RMND1: variants seen among roughly 807,000 people sequenced by gnomAD.
The protein encoded by RMND1 is required for meiotic nuclear division protein 1 homolog.
RMND1 carries 41 observed loss-of-function variants against 54.0 expected under a neutral mutation model. The observed-to-expected ratio is 0.76, with a 90% confidence interval of 0.59 to 0.98. The LOEUF is 0.98. RMND1 is among the 50% of genes least tolerant of loss of function. The pLI is 0.00. For missense variants in RMND1, 457 were observed against 532.0 expected, an observed-to-expected ratio of 0.86 and a Z score of 1.39; for synonymous variants, 183 against 181.7, an observed-to-expected ratio of 1.01 and a Z score of -0.06.
intron 10 of RMND1, chr6:151,411,727 C>A (rs1050603160): frequency 7.9e-5 from 12 of 152,298 alleles, no homozygotes; most frequent in Admixed American, 5.9e-4. Context: ...TTAACGTTCT[C>A]GTCTAAGCTG....
At chr6:151,415,210 A>G (rs1779966361) in intron 10 of RMND1, among the ~76,000 whole-genome samples, 1 of 152,112 alleles carries the variant, frequency 6.6e-6, no homozygotes, top group African/African-American at 2.4e-5. Flanking sequence ...GAAGTTTTCT[A>G]TGTCTGCAGA....
At chr6:151,450,481 T>G (rs1360664077) in intron 1 of RMND1, among the ~76,000 whole-genome samples, 3 of 63,536 alleles carry the variant, frequency 4.7e-5, no homozygotes, top group African/African-American at 9.4e-5. Flanking sequence ...GGGAGGAAGG[T>G]GGGGTGTCAG....
chr6:151,446,318 C>CA (rs1304761007), intron 1 of RMND1, among the ~76,000 whole-genome samples: 1 of 151,830 alleles, frequency 6.6e-6, no homozygotes. Context: ...CCTGTAGTCC[C>CA]AGCTACTCAC....
intron 9 of RMND1, chr6:151,420,794 C>G (rs1046108217): frequency 6.6e-6 from 1 of 152,342 alleles, no homozygotes; most frequent in African/African-American, 2.4e-5. Context: ...TTTTAATCCT[C>G]TGATAAAAAA....
intron 10 of RMND1, 131 bp downstream of exon 10, chr6:151,417,148 G>A: frequency 9.9e-7 from 1 of 1,006,750 alleles, no homozygotes; most frequent in Middle Eastern, 2.3e-4. Context: ...ACTGTACAGA[G>A]GACAAGAAGG....
intron 1 of RMND1, among the ~76,000 whole-genome samples, chr6:151,451,198 TAAAAA>T (rs58457871): frequency 3.0e-4 from 34 of 113,364 alleles, no homozygotes; most frequent in African/African-American, 8.8e-4. Context: ...GAATGATCAA[TAAAAA>T]AAAAAAAAAA....
chr6:151,451,707 G>A (rs972128202), intron 1 of RMND1, among the ~76,000 whole-genome samples: 56 of 152,142 alleles, frequency 3.7e-4, no homozygotes, highest in African/African-American at 1.3e-3. Context: ...TAAGAAAATC[G>A]ATTACAGCTA....
At chr6:151,407,096 A>G (rs1202733839) in intron 10 of RMND1, among the ~76,000 whole-genome samples, 7 of 151,936 alleles carry the variant, frequency 4.6e-5, no homozygotes, top group South Asian at 4.2e-4. Flanking sequence ...CAAGGCTGCA[A>G]TGAGCCAAGA....
intron 9 of RMND1, among the ~76,000 whole-genome samples, chr6:151,419,664 C>A (rs1386006005): frequency 1.7e-5 from 2 of 118,068 alleles, no homozygotes; most frequent in Non-Finnish European, 3.4e-5. Context: ...ACAAGCAAGA[C>A]CCTGTTTAAA....
At chr6:151,431,180 G>A (rs1397430973) in intron 4 of RMND1, among the ~76,000 whole-genome samples, 2 of 152,094 alleles carry the variant, frequency 1.3e-5, no homozygotes, top group Non-Finnish European at 2.9e-5. Context: ...CAGGCTCAGA[G>A]AGGAGGTGGG....
rs1037315487 is a variant in RMND1, at chr6:151,452,109, G to A, written c.-108C>T. 3.1e-5 allele frequency: 6 copies of A among 193,296 alleles called. No individual in the cohort carries two copies. The highest frequency in any genetic ancestry group is 1.2e-4 in the African/African-American group (5 of 41,948). The allele number at this position is 193,296 out of a possible 1,614,324, so 12.0% of individuals were successfully genotyped here. A position where few individuals can be genotyped will look rare whatever the true frequency, so the allele number is the denominator to read the frequency against. ...GCCGCACCCCCAGCCTCTCACTACT[G>A]CAGCCAACCCATCTCCTGGAAGGGC... is the stretch of plus-strand genomic sequence containing the variant. On this transcript the variant is annotated 5_prime_UTR_variant, in exon 1 of 12. It introduces an in-frame stop codon into an upstream open reading frame of the 5' UTR. Transcript: ENST00000444024.
chr6:151,426,531 C>G (rs1215414331), intron 6 of RMND1, among the ~76,000 whole-genome samples: 2 of 151,984 alleles, frequency 1.3e-5, no homozygotes, highest in Non-Finnish European at 2.9e-5. Context: ...CCCCCACCCC[C>G]CAAAATCAAT....
intron 10 of RMND1, among the ~76,000 whole-genome samples, chr6:151,416,252 T>A (rs1178745997): frequency 6.6e-6 from 1 of 152,038 alleles, no homozygotes; most frequent in African/African-American, 2.4e-5. Context: ...AGTGCTGGGG[T>A]TACAGGCATG....
chr6:151,408,263 G>A (rs1779696564), intron 10 of RMND1, among the ~76,000 whole-genome samples: 1 of 152,116 alleles, frequency 6.6e-6, no homozygotes, highest in African/African-American at 2.4e-5. Flanking sequence ...GGGAGGCCAA[G>A]GCAGGCGGAT....
intron 1 of RMND1, chr6:151,446,094 CACTTCATTT>C (rs983392846): frequency 1.4e-4 from 48 of 337,224 alleles, no homozygotes; most frequent in African/African-American, 9.9e-4. Context: ...GTGATGGGAC[CACTTCATTT>C]ACTTCATTAG....
intron 6 of RMND1, among the ~76,000 whole-genome samples, chr6:151,424,727 G>C (rs960232589): frequency 6.6e-6 from 1 of 151,976 alleles, no homozygotes; most frequent in Non-Finnish European, 1.5e-5. Context: ...TGAAAAATGA[G>C]TATGTGACTG....
chr6:151,409,939 C>T (rs754211243), intron 10 of RMND1, among the ~76,000 whole-genome samples: 17 of 152,188 alleles, frequency 1.1e-4, no homozygotes, highest in Non-Finnish European at 2.5e-4. Context: ...CTGCTCTCTG[C>T]ATCTGGACCT....
At chr6:151,433,835 T>TG (rs1026472027) in intron 3 of RMND1, among the ~76,000 whole-genome samples, 1 of 149,432 alleles carries the variant, frequency 6.7e-6, no homozygotes, top group Non-Finnish European at 1.5e-5. Context: ...GTTTTTTTTT[T>TG]GTTTGTTTGT....
intron 6 of RMND1, among the ~76,000 whole-genome samples, chr6:151,424,180 G>T (rs1780228922): frequency 6.6e-6 from 1 of 152,026 alleles, no homozygotes; most frequent in African/African-American, 2.4e-5. Flanking sequence ...GTCAGTGTTG[G>T]CTGGGCACGG....
Sources: gnomAD v4.1 joint callset for allele counts (sites outside exome capture counted in the v4.1 genomes callset) on GRCh38, gnomAD v4.1.1 for gene constraint, MANE v1.5 for transcripts, NCBI Gene and HGNC (gene_info 2026-07-23, HGNC 2026-07-21) for gene names.